SGTB: variants seen among roughly 807,000 people sequenced by gnomAD.
The protein encoded by SGTB is small glutamine-rich tetratricopeptide repeat-containing protein beta.
A neutral mutation model predicts 43.9 loss-of-function variants in SGTB; 19 were observed. That is an observed-to-expected ratio of 0.43 (90% CI 0.30 to 0.63). The LOEUF (loss-of-function observed/expected upper bound fraction) is 0.63, where lower values mean the gene tolerates loss of function less well. SGTB is among the 30% of genes least tolerant of loss of function. The pLI, the probability that SGTB is intolerant of heterozygous loss-of-function variation, is 0.12. For synonymous variants in SGTB, 116 were observed against 117.3 expected (o/e 0.99, Z 0.07); for missense variants, 304 against 358.9 (o/e 0.85, Z 1.24).
intron 5 of SGTB, 108 bp downstream of exon 5, chr5:65,704,171 T>G: frequency 5.2e-6 from 4 of 768,800 alleles, no homozygotes; most frequent in Non-Finnish European, 5.7e-6. Flanking sequence ...TCTTTATATT[T>G]TTCTGAACTT....
Position 65,671,955 on chromosome 5 carries a change from C to T in SGTB, c.763G>A (p.Gly255Arg). ...GACAGGTCAGTTAGGCCCCCAACTC[C>T]AGCAGCAGGTCCCCCAATGGCATTT... is the stretch of plus-strand genomic sequence containing the variant. ...MTNAIGGPAA[G>R]VGGLTDLSSL... The change falls in exon 10 of 11, where the codon GGA becomes AGA. Residue 255 changes from glycine to arginine, a missense_variant. By Grantham distance (125) the Gly-to-Arg change is moderately radical (BLOSUM62 -2). Transcript: ENST00000381007. The T allele has an allele frequency of 6.2e-7, 1 of 1,614,032 alleles. No individual in the cohort carries two copies. Among genetic ancestry groups the T allele is most frequent in the Non-Finnish European group, 8.5e-7 (1 of 1,179,980 alleles).
At chr5:65,722,293 G>A, upstream of SGTB, 2 of 1,155,186 alleles carry the variant, frequency 1.7e-6, no homozygotes, top group South Asian at 3.1e-5. Context: ...GAGACTCCCG[G>A]GCGCCCAGGC....
intron 2 of SGTB, among the ~76,000 whole-genome samples, chr5:65,713,954 G>GGGA (rs1758098578): frequency 1.4e-5 from 2 of 144,976 alleles, no homozygotes; most frequent in Admixed American, 1.3e-4. Flanking sequence ...GCTTGAGCCT[G>GGGA]GGAGGAGGAG....
intron 8 of SGTB, among the ~76,000 whole-genome samples, chr5:65,677,263 C>T (rs1185718653): frequency 1.3e-5 from 2 of 151,622 alleles, no homozygotes; most frequent in African/African-American, 2.4e-5. Flanking sequence ...CATACATCCT[C>T]CCAAGACTGA....
intron 3 of SGTB, among the ~76,000 whole-genome samples, chr5:65,710,611 G>A (rs1461869684): frequency 6.6e-6 from 1 of 152,154 alleles, no homozygotes; most frequent in Non-Finnish European, 1.5e-5. Context: ...CAATCGTCAT[G>A]CTATTTCAGG....
At chr5:65,707,734 T>TGA (rs1757964104) in intron 4 of SGTB, among the ~76,000 whole-genome samples, 1 of 151,948 alleles carries the variant, frequency 6.6e-6, no homozygotes, top group Non-Finnish European at 1.5e-5. Context: ...TGCCCGGCCA[T>TGA]GATATATATT....
intron 1 of SGTB, among the ~76,000 whole-genome samples, 173 bp downstream of exon 1, chr5:65,721,744 G>A (rs1361407062): frequency 6.6e-6 from 1 of 152,172 alleles, no homozygotes; most frequent in East Asian, 1.9e-4. Flanking sequence ...TGAGAAGAGG[G>A]AAATAGGCTT....
At chr5:65,673,636 T>C (rs552548070) in intron 8 of SGTB, among the ~76,000 whole-genome samples, 92 of 149,802 alleles carry the variant, frequency 6.1e-4, no homozygotes, top group African/African-American at 1.9e-3. Flanking sequence ...TACAAAAAGG[T>C]TGGGGACCGC....
chr5:65,722,299 C>G (rs2548786), upstream of SGTB: 282,989 of 1,259,934 alleles, frequency 0.22, 32,920 homozygotes, highest in Non-Finnish European at 0.24. Flanking sequence ...CCCGGGCGCC[C>G]AGGCGCTGCC....
In SGTB at chr5:65,679,906, A is replaced by T. The variant is rs187620405; in HGVS notation, c.681+588T>A. Among the ~76,000 whole-genome samples, 167 of 152,342 alleles carry T rather than the reference A, an allele frequency of 1.1e-3. 1 individual carries two copies. The highest frequency in any genetic ancestry group is 3.7e-3 in the African/African-American group (154 of 41,586). Reference sequence around the variant, plus strand: ...CTATTCACAATAGCAAAGACATGGAATCAATGCAAATGCCTATCAATGATA... The same window carrying T: ...CTATTCACAATAGCAAAGACATGGATTCAATGCAAATGCCTATCAATGATA... On this transcript the variant is annotated intron_variant, in intron 8 of 10. Coordinates refer to ENST00000381007, the MANE Select transcript of SGTB (RefSeq NM_019072.3).
intron 8 of SGTB, among the ~76,000 whole-genome samples, chr5:65,678,219 T>C (rs190533881): frequency 6.6e-6 from 1 of 151,876 alleles, no homozygotes; most frequent in Non-Finnish European, 1.5e-5. Flanking sequence ...AAGTCGAAAG[T>C]CAAATCACAA....
chr5:65,672,139 T>G, intron 9 of SGTB, 105 bp downstream of exon 9: 1 of 1,580,672 alleles, frequency 6.3e-7, no homozygotes, highest in Non-Finnish European at 8.7e-7. Flanking sequence ...TCCAACTGAC[T>G]GTCATTCAGA....
intron 5 of SGTB, among the ~76,000 whole-genome samples, chr5:65,700,693 AAAAAAG>A (rs1757797961): frequency 6.7e-6 from 1 of 148,218 alleles, no homozygotes. Flanking sequence ...AAAAAAAAAA[AAAAAAG>A]AAAGAAAGAA....
In SGTB at chr5:65,676,927, G is replaced by C. The variant is rs562940781; in HGVS notation, c.681+3567C>G. 2.7e-5 allele frequency among the ~76,000 whole-genome samples: 4 copies of C among 149,992 alleles called. No individual in the cohort carries two copies. The South Asian group carries it at 8.4e-4, about 31-fold the overall frequency. ...ACAAATAAAAGAACTAGAGAAACAA[G>C]AGCAAACAAACCCCGAAGCTAGCAG... is the stretch of plus-strand genomic sequence containing the variant. On this transcript the variant is annotated intron_variant, in intron 8 of 10. Transcript: ENST00000381007.
chr5:65,708,687 C>A, intron 3 of SGTB, 129 bp from the exon 4 acceptor site: 1 of 604,086 alleles, frequency 1.7e-6, no homozygotes, highest in South Asian at 3.1e-5. Flanking sequence ...AAACAACTTC[C>A]TAAATAATAG....
At chr5:65,672,425 G>A in intron 8 of SGTB, 144 bp from the exon 9 acceptor site, 1 of 989,718 alleles carries the variant, frequency 1.0e-6, no homozygotes, top group Non-Finnish European at 1.5e-6. Flanking sequence ...AAAGTAAAGG[G>A]GAATGTAAAA....
At chr5:65,685,559 T>C in intron 5 of SGTB, 87 bp from the exon 6 acceptor site, 1 of 1,004,428 alleles carries the variant, frequency 1.0e-6, no homozygotes, top group Non-Finnish European at 1.5e-6. Context: ...TACCTTTTTC[T>C]TGTTCCAATT....
Position 65,666,312 on chromosome 5 carries a change from A to G in SGTB, c.*3934T>C, listed in dbSNP as rs1479117858. 2 of 152,190 alleles carry G rather than the reference A, an allele frequency of 1.3e-5. No individual in the cohort carries two copies. The highest frequency in any genetic ancestry group is 2.9e-5 in the Non-Finnish European group (2 of 67,994). The allele number at this position is 152,190 out of a possible 1,614,324, so 9.4% of individuals were successfully genotyped here. ...ATATTTTTCATAGTTTTAAGTAAAG[A>G]TTAAATAATGCCATCTTAGAAAGGA... On this transcript the variant is annotated 3_prime_UTR_variant, in exon 11 of 11. Coordinates refer to ENST00000381007, the MANE Select transcript of SGTB (RefSeq NM_019072.3).
chr5:65,679,076 A>C (rs1409005582), intron 8 of SGTB, among the ~76,000 whole-genome samples: 1 of 152,230 alleles, frequency 6.6e-6, no homozygotes, highest in Non-Finnish European at 1.5e-5. Context: ...GAATGGGAGA[A>C]CATTTTTGCA....
Sources: allele counts gnomAD v4.1 joint callset (sites outside exome capture counted in the v4.1 genomes callset), GRCh38; gene constraint gnomAD v4.1.1; transcripts MANE v1.5; gene names NCBI Gene and HGNC (gene_info 2026-07-23, HGNC 2026-07-21).